Variants in CTNND2 observed in about 807,000 individuals in gnomAD.
CTNND2 encodes catenin delta-2.
In CTNND2, 22 loss-of-function variants were observed where a neutral mutation model predicts 144.4. The observed-to-expected ratio is 0.15, with a 90% confidence interval of 0.11 to 0.22. The LOEUF (loss-of-function observed/expected upper bound fraction) is 0.22. CTNND2 is among the 10% of genes least tolerant of loss of function. The pLI is 1.00. For synonymous variants in CTNND2, 751 were observed against 695.6 expected, an observed-to-expected ratio of 1.08 and a Z score of -1.25; for missense variants, 1,353 against 1,618.8, an observed-to-expected ratio of 0.84 and a Z score of 2.82.
intron 1 of CTNND2, among the ~76,000 whole-genome samples, chr5:11,902,156 G>A (rs1226612078): frequency 6.6e-6 from 1 of 152,144 alleles, no homozygotes; most frequent in African/African-American, 2.4e-5. Flanking sequence ...GAATGTAATC[G>A]TCTTCCTTCA....
chr5:11,004,901 A>T (rs1740325809), intron 18 of CTNND2, among the ~76,000 whole-genome samples: 1 of 152,206 alleles, frequency 6.6e-6, no homozygotes, highest in South Asian at 2.1e-4. Context: ...AAAATTAGTA[A>T]GTAGCTAGCA....
In CTNND2 at chr5:11,605,436, C is replaced by T. The variant is rs1182938734; in HGVS notation, c.175-40380G>A. Among the ~76,000 whole-genome samples the T allele has an allele frequency of 6.6e-5, 10 of 152,140 alleles. No individual in the cohort carries two copies. In the East Asian group the frequency reaches 1.3e-3, roughly 20 times the overall value. ...GGTAAGTCCTATAAAGAAAGTCAAA[C>T]AGTCTGGTAAAAAGATAGAGCCTTT... On this transcript the variant is annotated intron_variant, in intron 2 of 21. Coordinates refer to ENST00000304623, the MANE Select transcript of CTNND2 (RefSeq NM_001332.4).
intron 2 of CTNND2, among the ~76,000 whole-genome samples, chr5:11,700,559 G>T (rs1434289315): frequency 6.6e-6 from 1 of 152,114 alleles, no homozygotes; most frequent in Non-Finnish European, 1.5e-5. Flanking sequence ...AATGTGCCTC[G>T]GGGTGATGCA....
At chr5:11,105,191 C>T (rs1752306526) in intron 14 of CTNND2, among the ~76,000 whole-genome samples, 1 of 152,246 alleles carries the variant, frequency 6.6e-6, no homozygotes, top group Admixed American at 6.5e-5. Context: ...TCTAGGGAAA[C>T]CTGGGACATG....
intron 9 of CTNND2, among the ~76,000 whole-genome samples, chr5:11,287,105 G>A (rs188615124): frequency 1.2e-4 from 18 of 152,254 alleles, no homozygotes; most frequent in Non-Finnish European, 2.2e-4. Flanking sequence ...GTAGTATGAC[G>A]CTGTGACAAA....
At chr5:11,155,308 A>G (rs1455460185) in intron 12 of CTNND2, among the ~76,000 whole-genome samples, 1 of 152,230 alleles carries the variant, frequency 6.6e-6, no homozygotes, top group African/African-American at 2.4e-5. Context: ...ACCTCACTCT[A>G]TATGAAATTC....
At chr5:11,095,703 G>A (rs1347244277) in intron 15 of CTNND2, among the ~76,000 whole-genome samples, 1 of 152,184 alleles carries the variant, frequency 6.6e-6, no homozygotes, top group East Asian at 1.9e-4. Flanking sequence ...AATGATTAGT[G>A]CCACTGATCC....
intron 3 of CTNND2, among the ~76,000 whole-genome samples, chr5:11,488,470 T>C (rs138261937): frequency 2.0e-5 from 3 of 152,300 alleles, no homozygotes; most frequent in African/African-American, 4.8e-5. Context: ...CCATTACATA[T>C]TTTACGTTTT....
At chr5:11,894,500 T>C (rs1160966584) in intron 1 of CTNND2, among the ~76,000 whole-genome samples, 1 of 152,230 alleles carries the variant, frequency 6.6e-6, no homozygotes, top group African/African-American at 2.4e-5. Context: ...AACACATTAG[T>C]AACAAAATTC....
At chr5:11,681,741 G>T (rs2126629161) in intron 2 of CTNND2, among the ~76,000 whole-genome samples, 1 of 152,278 alleles carries the variant, frequency 6.6e-6, no homozygotes, top group Admixed American at 6.5e-5. Context: ...ATAATTTGAT[G>T]TGTACTTCCT....
intron 8 of CTNND2, among the ~76,000 whole-genome samples, chr5:11,350,248 G>A (rs1399325364): frequency 6.6e-6 from 1 of 151,796 alleles, no homozygotes; most frequent in African/African-American, 2.4e-5. Context: ...ATTACGAGTC[G>A]GTATGTTAAC....
chr5:11,516,072 C>T (rs543606025), intron 3 of CTNND2, among the ~76,000 whole-genome samples: 116 of 152,102 alleles, frequency 7.6e-4, no homozygotes, highest in African/African-American at 2.6e-3. Context: ...GCACACTGCA[C>T]TCCAGTCTGG....
intron 3 of CTNND2, among the ~76,000 whole-genome samples, chr5:11,527,406 C>A (rs1212947884): frequency 1.3e-5 from 2 of 152,182 alleles, no homozygotes; most frequent in Non-Finnish European, 2.9e-5. Flanking sequence ...GTACCTCTTT[C>A]AAGTCTCCAC....
At chr5:11,182,140 G>A (rs1403733085) in intron 11 of CTNND2, among the ~76,000 whole-genome samples, 2 of 144,858 alleles carry the variant, frequency 1.4e-5, no homozygotes, top group Non-Finnish European at 1.5e-5. Flanking sequence ...TGGGGTGTGT[G>A]TGTGTGGATG....
chr5:11,630,932 C>T (rs943374234), intron 2 of CTNND2, among the ~76,000 whole-genome samples: 3 of 149,658 alleles, frequency 2.0e-5, no homozygotes, highest in Admixed American at 2.0e-4. Flanking sequence ...CCAGCATGGG[C>T]AACAAGAGCG....
chr5:11,561,746 GA>G (rs1776700276), intron 3 of CTNND2, among the ~76,000 whole-genome samples: 1 of 152,136 alleles, frequency 6.6e-6, no homozygotes, highest in South Asian at 2.1e-4. Context: ...GTGACTACCT[GA>G]AAAGAGATCT....
At chr5:11,345,043 T>A (rs1445416659) in intron 9 of CTNND2, among the ~76,000 whole-genome samples, 3 of 152,208 alleles carry the variant, frequency 2.0e-5, no homozygotes, top group Non-Finnish European at 4.4e-5. Context: ...AAATCACATA[T>A]TTTTGTCTTT....
intron 2 of CTNND2, among the ~76,000 whole-genome samples, chr5:11,633,587 C>T (rs957910096): frequency 1.3e-5 from 2 of 152,000 alleles, no homozygotes; most frequent in African/African-American, 4.8e-5. Flanking sequence ...ACAACCATGG[C>T]CAACATAGTG....
chr5:11,762,493 G>A (rs1480997801), intron 1 of CTNND2, among the ~76,000 whole-genome samples: 1 of 152,062 alleles, frequency 6.6e-6, no homozygotes, highest in Non-Finnish European at 1.5e-5. Context: ...GCTTATCCAG[G>A]AAACTAAATG....
Sources: gnomAD v4.1 joint callset for allele counts (sites outside exome capture counted in the v4.1 genomes callset) on GRCh38, gnomAD v4.1.1 for gene constraint, MANE v1.5 for transcripts, NCBI Gene and HGNC (gene_info 2026-07-23, HGNC 2026-07-21) for gene names.